HPSE2: variants seen among roughly 807,000 people sequenced by gnomAD.
HPSE2 encodes heparanase 2 (inactive), also known as inactive heparanase-2.
In HPSE2, 38 loss-of-function variants were observed where a neutral mutation model predicts 60.5. The ratio of observed to expected loss-of-function variants is 0.63; its 90% CI spans 0.48 to 0.82. HPSE2 has a LOEUF of 0.82. Among genes scored for constraint, HPSE2 ranks in the 40% least tolerant of loss-of-function variants. The probability of loss-of-function intolerance (pLI) is 0.00; values close to 1 mark genes in which losing one functional copy is unlikely to be tolerated. For missense variants in HPSE2, 713 were observed against 740.4 expected (o/e 0.96, Z 0.43); for synonymous variants, 295 against 293.2 (o/e 1.01, Z -0.06).
At chr10:99,196,654 G>T (rs1848409241) in intron 2 of HPSE2, among the ~76,000 whole-genome samples, 1 of 152,042 alleles carries the variant, frequency 6.6e-6, no homozygotes, top group Admixed American at 6.6e-5. Flanking sequence ...AATCAAAACT[G>T]CAAGGAGATA....
chr10:98,991,073 C>G (rs1413526405), intron 3 of HPSE2, among the ~76,000 whole-genome samples: 1 of 152,162 alleles, frequency 6.6e-6, no homozygotes, highest in Admixed American at 6.6e-5. Flanking sequence ...ACCTAACTAG[C>G]CTTCATCTAT....
chr10:98,991,637 C>T (rs1271249468), intron 3 of HPSE2, among the ~76,000 whole-genome samples: 1 of 151,768 alleles, frequency 6.6e-6, no homozygotes, highest in Non-Finnish European at 1.5e-5. Flanking sequence ...CATGGTTCAA[C>T]TTAGGTTTAA....
At chr10:99,287,430 A>G in the HPSE2 span, among the ~76,000 whole-genome samples, 1 of 152,140 alleles carries the variant, frequency 6.6e-6, no homozygotes, top group Non-Finnish European at 1.5e-5. Context: ...GAGGAGTCCC[A>G]GTTGAGCAGA....
chr10:98,757,405 G>T (rs1949902728), intron 3 of HPSE2, among the ~76,000 whole-genome samples: 1 of 152,016 alleles, frequency 6.6e-6, no homozygotes, highest in South Asian at 2.1e-4. Context: ...TCTCTTCACA[G>T]ACAATATGAT....
At chr10:99,006,487 C>A (rs112630482) in intron 3 of HPSE2, among the ~76,000 whole-genome samples, 19 of 152,290 alleles carry the variant, frequency 1.2e-4, no homozygotes, top group East Asian at 7.7e-4. Flanking sequence ...TGAAAAGGGG[C>A]TGCAACCATC....
At chr10:98,885,746 C>CT (rs1252136937) in intron 3 of HPSE2, among the ~76,000 whole-genome samples, 1 of 152,108 alleles carries the variant, frequency 6.6e-6, no homozygotes, top group Non-Finnish European at 1.5e-5. Flanking sequence ...ACTTAATACA[C>CT]TATAGTACAG....
intron 5 of HPSE2, among the ~76,000 whole-genome samples, chr10:98,697,811 C>T (rs1032866864): frequency 6.6e-6 from 1 of 152,126 alleles, no homozygotes; most frequent in African/African-American, 2.4e-5. Flanking sequence ...GTGGTCCTCT[C>T]AGCAGAAACC....
intron 3 of HPSE2, among the ~76,000 whole-genome samples, chr10:98,937,964 T>C (rs1428351165): frequency 7.0e-6 from 1 of 143,724 alleles, no homozygotes; most frequent in Non-Finnish European, 1.5e-5. Flanking sequence ...CCTCTGCTGA[T>C]ACCCAGGCAA....
At chr10:98,490,267 AC>A in intron 9 of HPSE2, 71 bp from the exon 10 acceptor site, 1 of 6,742 alleles carries the variant, frequency 1.5e-4, no homozygotes, top group Non-Finnish European at 2.5e-4. Flanking sequence ...AACATGACAC[AC>A]ACACACACAC....
At chr10:99,264,763 C>T in the HPSE2 span, among the ~76,000 whole-genome samples, 2 of 152,128 alleles carry the variant, frequency 1.3e-5, no homozygotes, top group Non-Finnish European at 2.9e-5. Flanking sequence ...CAGGTCATCA[C>T]CACTAATTCT....
intron 6 of HPSE2, among the ~76,000 whole-genome samples, chr10:98,647,482 G>A (rs1448795808): frequency 6.6e-6 from 1 of 152,132 alleles, no homozygotes; most frequent in Non-Finnish European, 1.5e-5. Context: ...CAAGGAGGAG[G>A]GGCAGCCTGC....
rs1849682427 is a variant in HPSE2, at chr10:99,232,346, A to G, written c.448+2T>C. ...ATAAAGAATGGTAATCAAGTTTCTC[A>G]CCATCCTCATAGTTTTTGAGATAGT... On this transcript the variant is annotated splice_donor_variant, in intron 2 of 11. Coordinates refer to ENST00000370552, the MANE Select transcript of HPSE2 (RefSeq NM_021828.5). LOFTEE classifies it high-confidence loss of function. The G allele has an allele frequency of 6.4e-7, 1 of 1,551,436 alleles. No individual in the cohort carries two copies. Among genetic ancestry groups the G allele is most frequent in the Non-Finnish European group, 8.7e-7 (1 of 1,146,940 alleles).
At chr10:98,936,393 A>G (rs1286311851) in intron 3 of HPSE2, among the ~76,000 whole-genome samples, 1 of 143,530 alleles carries the variant, frequency 7.0e-6, no homozygotes, top group Non-Finnish European at 1.5e-5. Flanking sequence ...ACAGCTGCCC[A>G]GTTTTTTGCT....
At chr10:98,800,072 A>C (rs1950870543) in intron 3 of HPSE2, among the ~76,000 whole-genome samples, 1 of 152,158 alleles carries the variant, frequency 6.6e-6, no homozygotes, top group Non-Finnish European at 1.5e-5. Context: ...AGAAGACCCT[A>C]ATAAATAAAA....
At chr10:98,948,827 T>C (rs1423429490) in intron 3 of HPSE2, among the ~76,000 whole-genome samples, 1 of 152,096 alleles carries the variant, frequency 6.6e-6, no homozygotes, top group African/African-American at 2.4e-5. Flanking sequence ...CACTTCTACT[T>C]AATGAATAGT....
chr10:98,837,621 TC>T (rs1430136680), intron 3 of HPSE2, among the ~76,000 whole-genome samples: 1 of 152,110 alleles, frequency 6.6e-6, no homozygotes, highest in Non-Finnish European at 1.5e-5. Context: ...ACGCCTGTAA[TC>T]CCAGCACTTT....
At chr10:99,160,718 T>C (rs901120205) in intron 2 of HPSE2, among the ~76,000 whole-genome samples, 23 of 150,468 alleles carry the variant, frequency 1.5e-4, no homozygotes, top group Non-Finnish European at 3.1e-4. Context: ...GCTAAAACGG[T>C]GAAACCCCGT....
chr10:98,730,792 C>A (rs1949208274), intron 4 of HPSE2, among the ~76,000 whole-genome samples: 1 of 152,034 alleles, frequency 6.6e-6, no homozygotes, highest in Admixed American at 6.5e-5. Context: ...CACATAACAA[C>A]AACGAAAACC....
intron 2 of HPSE2, among the ~76,000 whole-genome samples, chr10:99,166,889 T>C (rs894893347): frequency 7.2e-5 from 11 of 152,150 alleles, no homozygotes; most frequent in African/African-American, 2.4e-4. Flanking sequence ...GTGGCTTCAC[T>C]TTTTCATTAA....
Sources: gnomAD v4.1 joint callset for allele counts (sites outside exome capture counted in the v4.1 genomes callset) on GRCh38, gnomAD v4.1.1 for gene constraint, MANE v1.5 for transcripts, NCBI Gene and HGNC (gene_info 2026-07-23, HGNC 2026-07-21) for gene names.